AGGF1: variants seen among roughly 807,000 people sequenced by gnomAD.
AGGF1 encodes angiogenic factor with G patch and FHA domains 1.
AGGF1 carries 56 observed loss-of-function variants against 86.5 expected under a neutral mutation model. The ratio of observed to expected loss-of-function variants is 0.65; its 90% CI spans 0.52 to 0.81. AGGF1 has a LOEUF of 0.81. Ranked by LOEUF, AGGF1 falls within the 30% of genes least tolerant of loss-of-function variation. The pLI is 0.00. For missense variants in AGGF1, 816 were observed against 850.9 expected, an observed-to-expected ratio of 0.96 and a Z score of 0.51; for synonymous variants, 313 against 297.1, an observed-to-expected ratio of 1.05 and a Z score of -0.55.
At chr5:77,041,080 C>A (rs1747068728) in intron 5 of AGGF1, among the ~76,000 whole-genome samples, 1 of 151,796 alleles carries the variant, frequency 6.6e-6, no homozygotes, top group Non-Finnish European at 1.5e-5. Flanking sequence ...TTGTAAAGTT[C>A]ACATAAGGAA....
intron 5 of AGGF1, among the ~76,000 whole-genome samples, chr5:77,045,091 G>A (rs1233061533): frequency 6.6e-6 from 1 of 151,848 alleles, no homozygotes; most frequent in Non-Finnish European, 1.5e-5. Flanking sequence ...AAAGAAAGGT[G>A]TGTGAGATGC....
At chr5:77,033,826 C>T (rs540133892) in intron 1 of AGGF1, among the ~76,000 whole-genome samples, 1 of 152,328 alleles carries the variant, frequency 6.6e-6, no homozygotes, top group East Asian at 1.9e-4. Context: ...TGGGCACTTC[C>T]ACACACTTGT....
At chr5:77,039,999 T>A (rs1747040938) in intron 5 of AGGF1, among the ~76,000 whole-genome samples, 1 of 152,150 alleles carries the variant, frequency 6.6e-6, no homozygotes, top group South Asian at 2.1e-4. Context: ...GTTGATAAGT[T>A]GATGTCAATG....
At chr5:77,034,307 T>G (rs1746923386) in intron 1 of AGGF1, 111 bp from the exon 2 acceptor site, 1 of 726,840 alleles carries the variant, frequency 1.4e-6, no homozygotes, top group African/African-American at 1.8e-5. Flanking sequence ...AAGGGAAACT[T>G]GCTGCTCTTG....
rs1241117772 is a variant in AGGF1, at chr5:77,063,841, G to T, written c.*589G>T. ...CATTGTTTTCTTCTGTGAAGAATCT[G>T]TTGCTATGTACTGTATATTCAGCAT... On this transcript the variant is annotated 3_prime_UTR_variant, in exon 14 of 14. Transcript: ENST00000312916. 6.3e-6 allele frequency: 1 copy of T among 158,110 alleles called. No homozygotes were observed. Among genetic ancestry groups the T allele is most frequent in the Admixed American group, 6.2e-5 (1 of 16,158 alleles). The allele number at this position is 158,110 out of a possible 1,614,324, so 9.8% of individuals were successfully genotyped here.
At chr5:77,034,841 T>A (rs1746934776) in intron 2 of AGGF1, among the ~76,000 whole-genome samples, 1 of 152,224 alleles carries the variant, frequency 6.6e-6, no homozygotes, top group South Asian at 2.1e-4. Flanking sequence ...TTTGTTTTCT[T>A]GTTGATGTGT....
chr5:77,062,061 G>T (rs1042875731), intron 13 of AGGF1, among the ~76,000 whole-genome samples: 2 of 152,060 alleles, frequency 1.3e-5, no homozygotes, highest in African/African-American at 4.8e-5. Flanking sequence ...TGAGCCAAAG[G>T]TTCTTCTGTG....
At chr5:77,056,736 A>G (rs1404522489) in intron 11 of AGGF1, among the ~76,000 whole-genome samples, 1 of 152,198 alleles carries the variant, frequency 6.6e-6, no homozygotes, top group Non-Finnish European at 1.5e-5. Flanking sequence ...CCAAAAGCAC[A>G]ATCCTTAAGA....
In AGGF1 at chr5:77,059,680, G is replaced by C. The variant is rs778079289; in HGVS notation, c.1781G>C (p.Arg594Pro). The change falls in exon 12 of 14, where the codon CGT becomes CCT. Residue 594 changes from arginine to proline, a missense_variant. Around this residue, in one of 3 missense-constraint regions of AGGF1, gnomAD observed 565 missense variants for 585.8 expected, o/e 0.96. Coordinates refer to ENST00000312916, the MANE Select transcript of AGGF1 (RefSeq NM_018046.5). ...AAATATAAAGATAGAGCTGGAAAAC[G>C]TAGGGAGCAGGTTGGAAGTGAAGGA... ...NPKYKDRAGK[R>P]REQVGSEGTF... 1.9e-6 allele frequency: 3 copies of C among 1,613,750 alleles called. No individual in the cohort carries two copies. The East Asian group carries it at 6.7e-5, about 36-fold the overall frequency.
At chr5:77,035,884 A>C in intron 3 of AGGF1, 141 bp downstream of exon 3, 1 of 781,926 alleles carries the variant, frequency 1.3e-6, no homozygotes. Context: ...TTATGCAAAG[A>C]ATGTTGTAGT....
intron 8 of AGGF1, among the ~76,000 whole-genome samples, chr5:77,049,662 G>A (rs545365709): frequency 2.1e-4 from 31 of 148,642 alleles, no homozygotes; most frequent in Middle Eastern, 3.4e-3. Context: ...CAATCCTCCC[G>A]CCTCAGCCCC....
Position 77,059,643 on chromosome 5 carries a change from T to G in AGGF1, c.1744T>G (p.Leu582Val), listed in dbSNP as rs138152040. The change falls in exon 12 of 14, where the codon TTG (leucine) becomes GTG (valine). Residue 582 changes from leucine to valine, a missense_variant. By Grantham distance (32) the Leu-to-Val change is conservative. Around this residue, in one of 3 missense-constraint regions of AGGF1, gnomAD observed 565 missense variants for 585.8 expected, o/e 0.96. Coordinates refer to ENST00000312916, the MANE Select transcript of AGGF1 (RefSeq NM_018046.5). ...TACAGAATACGAAGATGAAAAGACA[T>G]TGAAGAATCCAAAATATAAAGATAG... ...QNTEYEDEKTLKNPKYKDRAG... is the reference protein window; with the variant it reads ...QNTEYEDEKTVKNPKYKDRAG... The G allele has an allele frequency of 1.5e-3, 2,367 of 1,610,862 alleles. 4 individuals carry two copies. Among genetic ancestry groups the G allele is most frequent in the Non-Finnish European group, 1.6e-3 (1,938 of 1,177,396 alleles).
intron 6 of AGGF1, among the ~76,000 whole-genome samples, chr5:77,047,767 G>A (rs1021865609): frequency 1.3e-5 from 2 of 149,812 alleles, no homozygotes; most frequent in South Asian, 2.1e-4. Flanking sequence ...ATCTGCCTGC[G>A]TCGGCCCCCC....
In AGGF1 at chr5:77,065,075, T is replaced by A. The variant is rs910773428; in HGVS notation, c.*1823T>A. ...TCCATCTGTAAAATAAGAATATTTG[T>A]CTCACGTGTCTGTCATGAATAGCAA... On this transcript the variant is annotated 3_prime_UTR_variant, in exon 14 of 14. Transcript: ENST00000312916. 2 of 152,198 alleles carry A rather than the reference T, an allele frequency of 1.3e-5. No homozygotes were observed. The highest frequency in any genetic ancestry group is 2.9e-5 in the Non-Finnish European group (2 of 68,034). The allele number at this position is 152,198 out of a possible 1,614,324, so 9.4% of individuals were successfully genotyped here.
At chr5:77,041,788 T>TTTTTTTTTTTTAA (rs1561285604) in intron 5 of AGGF1, among the ~76,000 whole-genome samples, 1 of 130,054 alleles carries the variant, frequency 7.7e-6, no homozygotes, top group Non-Finnish European at 1.6e-5. Context: ...GAACTTTTTT[T>TTTTTTTTTTTTAA]ATTTATTTAT....
At chr5:77,035,485 CT>C (rs1746947654) in intron 2 of AGGF1, 55 bp from the exon 3 acceptor site, 13 of 1,373,300 alleles carry the variant, frequency 9.5e-6, no homozygotes, top group Admixed American at 2.0e-5. Context: ...TAGTTAAGTC[CT>C]TTTTATATAC....
At chr5:77,041,800 TA>T (rs1426067134) in intron 5 of AGGF1, among the ~76,000 whole-genome samples, 3,400 of 103,586 alleles carry the variant, frequency 0.033, 130 homozygotes, top group African/African-American at 0.07. Flanking sequence ...TTTATTTATT[TA>T]TTTATTTATT....
chr5:77,032,450 T>G lies in AGGF1; in HGVS notation c.210+1474T>G, dbSNP rs1746884572. ...CGAGCGTGGTGGCGGGCGCCTGTAG[T>G]CCCAGCTACAGGCTGAGGCAGGAGA... On this transcript the variant is annotated intron_variant, in intron 1 of 13. Transcript: ENST00000312916. Among the ~76,000 whole-genome samples, 3 of 149,732 alleles carry G rather than the reference T, an allele frequency of 2.0e-5. No individual in the cohort carries two copies. In the South Asian group the frequency reaches 6.4e-4, roughly 32 times the overall value.
intron 4 of AGGF1, among the ~76,000 whole-genome samples, chr5:77,038,933 C>G (rs1269164344): frequency 1.3e-5 from 2 of 152,070 alleles, no homozygotes; most frequent in Non-Finnish European, 2.9e-5. Flanking sequence ...TACTATAGAA[C>G]TGATTAATTA....
Sources: allele counts gnomAD v4.1 joint callset (sites outside exome capture counted in the v4.1 genomes callset), GRCh38; gene constraint gnomAD v4.1.1; regional missense constraint gnomAD v4.1.1; transcripts MANE v1.5; gene names NCBI Gene and HGNC (gene_info 2026-07-23, HGNC 2026-07-21).